Variants in PRRG4 observed in about 807,000 individuals in gnomAD.
The protein encoded by PRRG4 is proline rich and Gla domain 4.
Under a neutral mutation model 20.0 loss-of-function variants are expected in PRRG4, and 12 were observed. The ratio of observed to expected loss-of-function variants is 0.60; its 90% CI spans 0.38 to 0.97. The LOEUF is 0.97. Ranked by LOEUF, PRRG4 falls within the 50% of genes least tolerant of loss-of-function variation. The pLI, the probability that PRRG4 is intolerant of heterozygous loss-of-function variation, is 0.00. For missense variants in PRRG4, 199 were observed against 265.1 expected, an observed-to-expected ratio of 0.75 and a Z score of 1.73; for synonymous variants, 94 against 96.4, an observed-to-expected ratio of 0.98 and a Z score of 0.15.
chr11:32,840,320 C>T lies in PRRG4; in HGVS notation c.449+81C>T, dbSNP rs1851066240. The T allele has an allele frequency of 1.9e-6, 2 of 1,058,108 alleles. No individual in the cohort carries two copies. The highest frequency in any genetic ancestry group is 2.2e-5 in the Admixed American group (1 of 44,738). The allele number at this position is 1,058,108 out of a possible 1,614,324, so 65.5% of individuals were successfully genotyped here. On this transcript the variant is annotated intron_variant, in intron 5 of 5. Transcript: ENST00000257836. The surrounding 1 kb of genome is among the most constrained non-coding windows in gnomAD (Gnocchi z 4.1). ...TAACAATGGGTCAAGCAAATGGCTGCCTATTTTCTTAAATAAGCCTTTTAT... is the reference window on the plus strand; with the variant it reads ...TAACAATGGGTCAAGCAAATGGCTGTCTATTTTCTTAAATAAGCCTTTTAT...
At chr11:32,842,662 G>T (rs1282989459) in intron 5 of PRRG4, among the ~76,000 whole-genome samples, 2 of 151,986 alleles carry the variant, frequency 1.3e-5, no homozygotes, top group Non-Finnish European at 2.9e-5. Context: ...AGAGGTTGTG[G>T]TGAGCCGAGA....
rs1280368603 is a variant in PRRG4 at position 32,857,221 on chromosome 11, G to A, written c.*3694G>A. The A allele has an allele frequency of 6.6e-6, 1 of 150,842 alleles. No individual in the cohort carries two copies. Among genetic ancestry groups the A allele is most frequent in the Non-Finnish European group, 1.5e-5 (1 of 68,084 alleles). The allele number at this position is 150,842 out of a possible 1,614,324, so 9.3% of individuals were successfully genotyped here. A position where few individuals can be genotyped will look rare whatever the true frequency, so the allele number is the denominator to read the frequency against. ...GGCTGGAGTGCAGTGGAGTGATCAT[G>A]GCTCACTGCAACCTCCGCCTCCCAG... On this transcript the variant is annotated 3_prime_UTR_variant, in exon 6 of 6. Coordinates refer to ENST00000257836, the MANE Select transcript of PRRG4 (RefSeq NM_024081.6).
At chr11:32,836,618 T>C (rs1851021579) in intron 2 of PRRG4, 40 bp from the exon 3 acceptor site, 3 of 1,249,704 alleles carry the variant, frequency 2.4e-6, no homozygotes, top group East Asian at 2.3e-5. Flanking sequence ...TTTTTGACTA[T>C]ATTTGATCAA....
chr11:32,831,136 A>G (rs1850967215), intron 2 of PRRG4, among the ~76,000 whole-genome samples: 2 of 152,154 alleles, frequency 1.3e-5, no homozygotes, highest in African/African-American at 2.4e-5. Context: ...CTAGTTGTCT[A>G]GATAAAAGCA....
chr11:32,846,686 T>C (rs1851133640), intron 5 of PRRG4, among the ~76,000 whole-genome samples: 1 of 152,066 alleles, frequency 6.6e-6, no homozygotes, highest in Admixed American at 6.6e-5. Flanking sequence ...AAAGAAGTCG[T>C]AGAACTTGAT....
At chr11:32,830,305 G>A in intron 1 of PRRG4, 132 bp downstream of exon 1, 1 of 838,500 alleles carries the variant, frequency 1.2e-6, no homozygotes, top group Non-Finnish European at 1.6e-6. Context: ...GCCCTCGGCA[G>A]GGTCACTGGG....
rs1469346225 is a variant in PRRG4 at position 32,855,986 on chromosome 11, A to G, written c.*2459A>G. The G allele has an allele frequency of 2.6e-5, 4 of 152,210 alleles. No homozygotes were observed. Among genetic ancestry groups the G allele is most frequent in the South Asian group, 2.1e-4 (1 of 4,834 alleles). 9.4% of individuals were successfully genotyped at this position (152,210 alleles called of 1,614,324 possible). On this transcript the variant is annotated 3_prime_UTR_variant, in exon 6 of 6. Coordinates refer to ENST00000257836, the MANE Select transcript of PRRG4 (RefSeq NM_024081.6). ...TGCCTATAAAATTACACTGCCTCGA[A>G]TTATGAAATTCAGGGATCTTGTACA...
In PRRG4 at chr11:32,840,377, G is replaced by A; in HGVS notation, c.449+138G>A. 3 of 635,284 alleles carry A rather than the reference G, an allele frequency of 4.7e-6. No homozygotes were observed. Among genetic ancestry groups the A allele is most frequent in the East Asian group, 2.7e-5 (1 of 37,266 alleles). The allele number at this position is 635,284 out of a possible 1,614,324, so 39.4% of individuals were successfully genotyped here. A position where few individuals can be genotyped will look rare whatever the true frequency, so the allele number is the denominator to read the frequency against. On this transcript the variant is annotated intron_variant, in intron 5 of 5. Coordinates refer to ENST00000257836, the MANE Select transcript of PRRG4 (RefSeq NM_024081.6). The surrounding 1 kb of genome is among the most constrained non-coding windows in gnomAD (Gnocchi z 4.1). ...AGAATTTTAGATGTATAGGGAAGTT[G>A]CAAAGGTTAATACAGAGAGTTCCCA...
In PRRG4 at chr11:32,855,546, G is replaced by C. The variant is rs1294090070; in HGVS notation, c.*2019G>C. The stretch of plus-strand genomic sequence containing the variant: ...GCATAAATCATATTACAGTGCATAT[G>C]TGAGTGTATGTCTCTCTTTTAAGAT... On this transcript the variant is annotated 3_prime_UTR_variant, in exon 6 of 6. Coordinates refer to ENST00000257836, the MANE Select transcript of PRRG4 (RefSeq NM_024081.6). The C allele has an allele frequency of 6.6e-6, 1 of 152,194 alleles. No individual in the cohort carries two copies. Among genetic ancestry groups the C allele is most frequent in the Non-Finnish European group, 1.5e-5 (1 of 68,030 alleles). The allele number at this position is 152,194 out of a possible 1,614,324, so 9.4% of individuals were successfully genotyped here.
chr11:32,853,400 G>T lies in PRRG4; in HGVS notation c.554G>T (p.Gly185Val), dbSNP rs189390231. ...TTGCCGCCTTCTGTGGAGGATGCAGGATTACCTTCTTATGAACAGGCAGTG... is the reference window on the plus strand; with the variant it reads ...TTGCCGCCTTCTGTGGAGGATGCAGTATTACCTTCTTATGAACAGGCAGTG... ...SPLPPSVEDA[G>V]LPSYEQAVAL... Residue 185 changes from glycine to valine, a missense_variant, in exon 6 of 6, where the codon GGA (glycine) becomes GTA (valine). Physicochemically the swap from Gly to Val is moderately radical, Grantham distance 109. Coordinates refer to ENST00000257836, the MANE Select transcript of PRRG4 (RefSeq NM_024081.6). The T allele has an allele frequency of 6.2e-7, 1 of 1,614,026 alleles. No homozygotes were observed. The highest frequency in any genetic ancestry group is 1.1e-5 in the South Asian group (1 of 91,072).
rs1851065453 is a variant in PRRG4 at position 32,840,237 on chromosome 11, A to AAGTACTTAGTACT, written c.447_448insAGTACTTAGTACT (p.Cys150SerfsTer3). On this transcript the variant is annotated stop_gained and frameshift_variant and splice_region_variant, in exon 5 of 6. Coordinates refer to ENST00000257836, the MANE Select transcript of PRRG4 (RefSeq NM_024081.6). LOFTEE classifies it high-confidence loss of function. The surrounding 1 kb of genome is among the most constrained non-coding windows in gnomAD (Gnocchi z 4.1). ...CTAAGTGTAATAGGCTACAACATCC[A>AAGTACTTAGTACT]TGGTAAGTACTAAGTGAAATTATTT... 6.3e-7 allele frequency: 1 copy of AAGTACTTAGTACT among 1,590,174 alleles called. No homozygotes were observed. The highest frequency in any genetic ancestry group is 1.1e-5 in the South Asian group (1 of 88,998).
In PRRG4 at chr11:32,852,515, G is replaced by T. The variant is rs1045348004; in HGVS notation, c.450-781G>T. On this transcript the variant is annotated intron_variant, in intron 5 of 5. Coordinates refer to ENST00000257836, the MANE Select transcript of PRRG4 (RefSeq NM_024081.6). ...TGGAATTGCGCCACCTTTCAACAAA[G>T]CCTGAATTTGGTTTTGGTTTCACAT... is the stretch of plus-strand genomic sequence containing the variant. 7.2e-5 allele frequency among the ~76,000 whole-genome samples: 11 copies of T among 152,264 alleles called. No homozygotes were observed. In the South Asian group the frequency reaches 1.7e-3, roughly 23 times the overall value.
chr11:32,837,640 C>T (rs1472608401), intron 3 of PRRG4, among the ~76,000 whole-genome samples: 3 of 151,126 alleles, frequency 2.0e-5, no homozygotes, highest in Non-Finnish European at 4.4e-5. Context: ...TCACTGCAAC[C>T]TCCACCTCCC....
chr11:32,844,866 G>T (rs568661941), intron 5 of PRRG4, among the ~76,000 whole-genome samples: 1 of 152,102 alleles, frequency 6.6e-6, no homozygotes. Context: ...GAATGTTTAT[G>T]TATTCCCATC....
chr11:32,843,192 T>G (rs1393343723), intron 5 of PRRG4, among the ~76,000 whole-genome samples: 1 of 152,140 alleles, frequency 6.6e-6, no homozygotes, highest in African/African-American at 2.4e-5. Flanking sequence ...GTTAATTGCT[T>G]AAAAAATCAT....
In PRRG4 at chr11:32,853,628, G is replaced by A. The variant is rs1851204505; in HGVS notation, c.*101G>A. On this transcript the variant is annotated 3_prime_UTR_variant, in exon 6 of 6. Coordinates refer to ENST00000257836, the MANE Select transcript of PRRG4 (RefSeq NM_024081.6). ...GCACTTTGGGAGGCCAGGAGTTCGA[G>A]ACCAGCCTGGCCAACATGGTGAAAC... The A allele has an allele frequency of 3.3e-6, 3 of 900,428 alleles. No individual in the cohort carries two copies. In the Admixed American group the frequency reaches 6.4e-5, roughly 19 times the overall value. The allele number at this position is 900,428 out of a possible 1,614,324, so 55.8% of individuals were successfully genotyped here.
chr11:32,842,612 C>T (rs1021872951), intron 5 of PRRG4, among the ~76,000 whole-genome samples: 4 of 151,612 alleles, frequency 2.6e-5, no homozygotes, highest in African/African-American at 9.7e-5. Flanking sequence ...CCCAGCTACT[C>T]GGGAGGCTGA....
intron 1 of PRRG4, 87 bp downstream of exon 1, chr11:32,830,260 A>G: frequency 9.7e-7 from 1 of 1,026,474 alleles, no homozygotes; most frequent in Non-Finnish European, 1.2e-6. Flanking sequence ...TCGAACACAT[A>G]GCGAGGGTTG....
chr11:32,848,811 A>C (rs1851153978), intron 5 of PRRG4, among the ~76,000 whole-genome samples: 1 of 151,918 alleles, frequency 6.6e-6, no homozygotes, highest in Admixed American at 6.6e-5. Flanking sequence ...ACCTCTACTA[A>C]AAATACAAAA....
Sources: allele counts gnomAD v4.1 joint callset (sites outside exome capture counted in the v4.1 genomes callset), GRCh38; gene constraint gnomAD v4.1.1; non-coding constraint Gnocchi (gnomAD v3.1); transcripts MANE v1.5; gene names NCBI Gene and HGNC (gene_info 2026-07-23, HGNC 2026-07-21).